SRP54: variants seen among roughly 807,000 people sequenced by gnomAD.
The protein encoded by SRP54 is signal recognition particle subunit SRP54.
A neutral mutation model predicts 64.8 loss-of-function variants in SRP54; 10 were observed. That is an observed-to-expected ratio of 0.15 (90% CI 0.10 to 0.26). SRP54 has a LOEUF of 0.26. SRP54 is among the 10% of genes least tolerant of loss of function. The probability of loss-of-function intolerance (pLI) is 1.00; values close to 1 mark genes in which losing one functional copy is unlikely to be tolerated. For synonymous variants in SRP54, 193 were observed against 185.6 expected (o/e 1.04, Z -0.32); for missense variants, 325 against 613.7 (o/e 0.53, Z 4.97).
chr14:34,983,879 C>G (rs762075191), intron 1 of SRP54, among the ~76,000 whole-genome samples: 3 of 152,304 alleles, frequency 2.0e-5, no homozygotes, highest in Non-Finnish European at 4.4e-5. Context: ...ATGAGAAACA[C>G]TAGTTGCATA....
At chr14:35,028,954 C>T (rs1290758545) in intron 15 of SRP54, 107 bp from the exon 16 acceptor site, 1 of 845,044 alleles carries the variant, frequency 1.2e-6, no homozygotes, top group Non-Finnish European at 1.8e-6. Flanking sequence ...AAATTGCAAT[C>T]AGAATTCAGT....
At chr14:34,988,010 C>A (rs939319793) in intron 1 of SRP54, among the ~76,000 whole-genome samples, 2 of 152,040 alleles carry the variant, frequency 1.3e-5, no homozygotes, top group African/African-American at 2.4e-5. Context: ...ATTAATATAC[C>A]TAGAAAATAC....
At chr14:34,999,758 C>T (rs2044140757) in intron 3 of SRP54, 109 bp downstream of exon 3, 1 of 758,050 alleles carries the variant, frequency 1.3e-6, no homozygotes. Flanking sequence ...TGCTCTGCAC[C>T]ACTGGAAAAG....
At chr14:35,020,667 T>A (rs1224254292) in intron 13 of SRP54, among the ~76,000 whole-genome samples, 1 of 152,052 alleles carries the variant, frequency 6.6e-6, no homozygotes, top group African/African-American at 2.4e-5. Flanking sequence ...TTTAAGGTTG[T>A]TTTTTTTCCT....
chr14:34,988,693 C>T lies in SRP54; in HGVS notation c.-34+5478C>T, dbSNP rs751040136. Among the ~76,000 whole-genome samples the T allele has an allele frequency of 6.8e-4, 101 of 149,124 alleles. 1 individual carries two copies. Among genetic ancestry groups the T allele is most frequent in the Non-Finnish European group, 8.4e-4 (57 of 67,544 alleles). On this transcript the variant is annotated intron_variant, in intron 1 of 15. Coordinates refer to ENST00000216774, the MANE Select transcript of SRP54 (RefSeq NM_003136.4). ...TTTCTGTGGTCCTAGACTGTGAACA[C>T]ATATGCTGTGCAGAATTAAGAAAAA...
intron 5 of SRP54, 50 bp from the exon 6 acceptor site, chr14:35,008,577 T>G: frequency 1.6e-6 from 2 of 1,240,378 alleles, no homozygotes; most frequent in Non-Finnish European, 2.2e-6. Context: ...ATTATATGTA[T>G]AGTTTGTTAT....
chr14:34,986,959 G>A (rs2043904590), intron 1 of SRP54, among the ~76,000 whole-genome samples: 1 of 151,830 alleles, frequency 6.6e-6, no homozygotes, highest in Non-Finnish European at 1.5e-5. Flanking sequence ...TTCTTGGCTG[G>A]GTGCGGTGGC....
Position 34,991,127 on chromosome 14 carries a change from T to TGTTG in SRP54, c.-33-5550_-33-5549insGTTG, listed in dbSNP as rs1555352958. Reference sequence around the variant, plus strand: ...TTCTTTTCTTTTTTTTTTTTTTTTTTTTGTTGTTGTTGTTGTTGTTGAGAT... The same window carrying TGTTG: ...TTCTTTTCTTTTTTTTTTTTTTTTTTGTTGTTGTTGTTGTTGTTGTTGTTGAGAT... On this transcript the variant is annotated intron_variant, in intron 1 of 15. Transcript: ENST00000216774. Among the ~76,000 whole-genome samples, 585 of 123,160 alleles carry TGTTG rather than the reference T, an allele frequency of 4.7e-3. 17 individuals carry two copies. The highest frequency in any genetic ancestry group is 0.036 in the Admixed American group (412 of 11,594). The allele number at this position is 123,160 out of a possible 152,430, so 80.8% of individuals were successfully genotyped here.
intron 4 of SRP54, among the ~76,000 whole-genome samples, chr14:35,003,518 G>A (rs1281708317): frequency 6.6e-6 from 1 of 151,890 alleles, no homozygotes; most frequent in African/African-American, 2.4e-5. Flanking sequence ...AGGACTACAG[G>A]CATGCACCAC....
intron 2 of SRP54, among the ~76,000 whole-genome samples, chr14:34,999,016 T>TTTTG (rs1340991595): frequency 9.4e-6 from 1 of 105,894 alleles, no homozygotes; most frequent in Non-Finnish European, 2.0e-5. Flanking sequence ...TGTGTGTGGT[T>TTTTG]TTTTTTTTTT....
chr14:34,986,773 G>A (rs10149083), intron 1 of SRP54, among the ~76,000 whole-genome samples: 55,700 of 151,430 alleles, frequency 0.37, 10,856 homozygotes, highest in East Asian at 0.69. Context: ...CAGCTACTTG[G>A]GAGGCCAAGG....
At chr14:35,007,112 G>T (rs936351388) in intron 4 of SRP54, among the ~76,000 whole-genome samples, 171 bp from the exon 5 acceptor site, 12 of 152,148 alleles carry the variant, frequency 7.9e-5, no homozygotes, top group African/African-American at 2.9e-4. Flanking sequence ...AGCATCATTT[G>T]AGCCCAGGAG....
At chr14:35,028,394 T>C (rs1057146146) in intron 15 of SRP54, among the ~76,000 whole-genome samples, 22 of 152,198 alleles carry the variant, frequency 1.4e-4, no homozygotes, top group African/African-American at 5.3e-4. Flanking sequence ...CTGTGTGATG[T>C]TTGAGCAAGC....
chr14:35,022,874 A>G lies in SRP54; in HGVS notation c.1157-36A>G, dbSNP rs530156525. The G allele has an allele frequency of 4.2e-5, 64 of 1,538,206 alleles. No individual in the cohort carries two copies. In the Middle Eastern group the frequency reaches 8.6e-4, roughly 21 times the overall value. Reference sequence around the variant, plus strand: ...CACATAACTGCTTTGATGGTGAATGATAATTGTGTGTGAGAGTAACTGACC... The same window carrying G: ...CACATAACTGCTTTGATGGTGAATGGTAATTGTGTGTGAGAGTAACTGACC... On this transcript the variant is annotated intron_variant, in intron 13 of 15. Coordinates refer to ENST00000216774, the MANE Select transcript of SRP54 (RefSeq NM_003136.4).
intron 1 of SRP54, among the ~76,000 whole-genome samples, chr14:34,989,469 CAAAAAA>C (rs969169829): frequency 7.2e-6 from 1 of 139,032 alleles, no homozygotes; most frequent in East Asian, 2.1e-4. Context: ...AACTCTGTCT[CAAAAAA>C]AAAAAGAACT....
chr14:35,010,197 C>T (rs1205652726), intron 7 of SRP54, among the ~76,000 whole-genome samples: 1 of 151,938 alleles, frequency 6.6e-6, no homozygotes, highest in Non-Finnish European at 1.5e-5. Context: ...CCTGTAATCC[C>T]CGTACTTTGG....
chr14:35,015,549 T>G (rs969493688), intron 11 of SRP54, among the ~76,000 whole-genome samples: 4 of 152,234 alleles, frequency 2.6e-5, no homozygotes, highest in African/African-American at 9.6e-5. Context: ...CTGATCTATT[T>G]TTTAGCTTTA....
intron 1 of SRP54, among the ~76,000 whole-genome samples, chr14:34,991,104 C>A (rs1024821266): frequency 1.9e-4 from 20 of 107,020 alleles, no homozygotes; most frequent in Middle Eastern, 5.1e-3. Flanking sequence ...GGTTAAATTT[C>A]TTTTCTTTTT....
intron 1 of SRP54, among the ~76,000 whole-genome samples, chr14:34,994,192 T>G (rs2044029099): frequency 6.6e-6 from 1 of 151,296 alleles, no homozygotes; most frequent in African/African-American, 2.4e-5. Context: ...AGAGATAGGG[T>G]TTTGCCATGT....
Sources: gnomAD v4.1 joint callset for allele counts (sites outside exome capture counted in the v4.1 genomes callset) on GRCh38, gnomAD v4.1.1 for gene constraint, MANE v1.5 for transcripts, NCBI Gene and HGNC (gene_info 2026-07-23, HGNC 2026-07-21) for gene names.